Variants in ASS1 observed in about 807,000 individuals in gnomAD.
The protein encoded by ASS1 is argininosuccinate synthase.
Under a neutral mutation model 60.5 loss-of-function variants are expected in ASS1, and 58 were observed. The observed-to-expected ratio is 0.96, with a 90% CI of 0.78 to 1.19. The LOEUF (loss-of-function observed/expected upper bound fraction) is 1.19. ASS1 is among the 50% of genes most tolerant of loss of function. The pLI is 0.00. For synonymous variants in ASS1, 200 were observed against 206.9 expected, an observed-to-expected ratio of 0.97 and a Z score of 0.29; for missense variants, 454 against 547.3, an observed-to-expected ratio of 0.83 and a Z score of 1.70.
chr9:130,475,947 T>C (rs1000101488), intron 8 of ASS1, among the ~76,000 whole-genome samples: 2 of 152,048 alleles, frequency 1.3e-5, no homozygotes, highest in African/African-American at 4.8e-5. Context: ...TTAGTAGAGA[T>C]GGGGTTTCAC....
chr9:130,449,110 C>T (rs1174624671), intron 1 of ASS1, among the ~76,000 whole-genome samples: 3 of 152,056 alleles, frequency 2.0e-5, no homozygotes, highest in Non-Finnish European at 4.4e-5. Flanking sequence ...GCAGGCAGAT[C>T]GCTTAAGTCC....
intron 1 of ASS1, among the ~76,000 whole-genome samples, chr9:130,447,056 G>A (rs559723300): frequency 1.3e-5 from 2 of 152,368 alleles, no homozygotes; most frequent in East Asian, 3.9e-4. Flanking sequence ...ATGTCAGCGA[G>A]GGGTTGCAGG....
At chr9:130,483,269 G>T (rs10901080) in intron 11 of ASS1, among the ~76,000 whole-genome samples, 21,321 of 151,058 alleles carry the variant, frequency 0.14, 1,639 homozygotes, top group African/African-American at 0.17. Context: ...TCCGTATCTC[G>T]GTGTACAAGG....
chr9:130,456,891 A>C (rs1346902190), intron 3 of ASS1, among the ~76,000 whole-genome samples: 2 of 151,738 alleles, frequency 1.3e-5, no homozygotes, highest in African/African-American at 4.8e-5. Context: ...GCACCTCTGC[A>C]CTCCAGTCTG....
intron 4 of ASS1, among the ~76,000 whole-genome samples, chr9:130,460,820 C>G (rs1845573033): frequency 6.6e-6 from 1 of 152,120 alleles, no homozygotes; most frequent in Non-Finnish European, 1.5e-5. Context: ...CAGGGGAGAG[C>G]TTCTCACAGA....
rs1261217600 is a variant in ASS1, at chr9:130,459,272, G to A, written c.363+683G>A. On this transcript the variant is annotated intron_variant, in intron 4 of 14. Coordinates refer to ENST00000352480, the MANE Select transcript of ASS1 (RefSeq NM_054012.4). This position sits in a 1 kb window ranked among gnomAD's most constrained non-coding sequence, Gnocchi z 4.6. ...CTGGTGTCCCTTAGCGTGTGGCTGC[G>A]TCACTCCTGTCCTTCCGTCCTCCAT... Among the ~76,000 whole-genome samples, 11 of 152,166 alleles carry A rather than the reference G, an allele frequency of 7.2e-5. No homozygotes were observed. Among genetic ancestry groups the A allele is most frequent in the South Asian group, 6.2e-4 (3 of 4,814 alleles).
At chr9:130,485,428 G>A (rs1043897783) in intron 11 of ASS1, among the ~76,000 whole-genome samples, 2 of 149,374 alleles carry the variant, frequency 1.3e-5, no homozygotes, top group African/African-American at 2.6e-5. Context: ...GGCACCTTCT[G>A]TAAAGGCCAA....
rs113448335 is a variant in ASS1, at chr9:130,475,960, C to T, written c.598-911C>T. The stretch of plus-strand genomic sequence containing the variant: ...TTTTAGTAGAGATGGGGTTTCACCG[C>T]GTTGCCCAGGCTGGTGTCGAACTCC... On this transcript the variant is annotated intron_variant, in intron 8 of 14. Transcript: ENST00000352480. Among the ~76,000 whole-genome samples the T allele has an allele frequency of 4.3e-4, 65 of 152,170 alleles. 1 individual carries two copies. Among genetic ancestry groups the T allele is most frequent in the African/African-American group, 1.1e-3 (47 of 41,526 alleles).
At chr9:130,449,230 G>A (rs1845269859) in intron 1 of ASS1, among the ~76,000 whole-genome samples, 1 of 151,954 alleles carries the variant, frequency 6.6e-6, no homozygotes, top group Non-Finnish European at 1.5e-5. Flanking sequence ...ACTTGGGGGT[G>A]GTGGCACTGA....
intron 3 of ASS1, among the ~76,000 whole-genome samples, 186 bp from the exon 4 acceptor site, chr9:130,458,215 G>A (rs1845493192): frequency 6.6e-6 from 1 of 152,124 alleles, no homozygotes; most frequent in Non-Finnish European, 1.5e-5. Context: ...GAGTGCAGGA[G>A]GGAGAGTAAC....
rs771403927 is a variant in ASS1 at position 130,454,384 on chromosome 9, G to A, written c.174+11G>A. 11 of 1,612,918 alleles carry A rather than the reference G, an allele frequency of 6.8e-6. No homozygotes were observed. The East Asian group carries it at 2.0e-4, about 29-fold the overall frequency. The stretch of plus-strand genomic sequence containing the variant: ...CTTGGGGCCAAAAAGGTACCAGGCG[G>A]GAGGCAGGGATTTGGGCTGGGAGTG... On this transcript the variant is annotated intron_variant, in intron 3 of 14. Coordinates refer to ENST00000352480, the MANE Select transcript of ASS1 (RefSeq NM_054012.4).
chr9:130,467,289 C>A (rs1845766055), intron 6 of ASS1, among the ~76,000 whole-genome samples: 1 of 152,316 alleles, frequency 6.6e-6, no homozygotes, highest in South Asian at 2.1e-4. Context: ...GCAGACAAAG[C>A]CTTTTATGGC....
chr9:130,465,057 T>TATA (rs201810692), intron 5 of ASS1, among the ~76,000 whole-genome samples: 45 of 76,156 alleles, frequency 5.9e-4, no homozygotes, highest in Admixed American at 9.9e-4. Context: ...TATATATATA[T>TATA]TTTTTTTTTT....
At chr9:130,497,333 C>T (rs542726415) in intron 13 of ASS1, among the ~76,000 whole-genome samples, 26 of 152,278 alleles carry the variant, frequency 1.7e-4, no homozygotes, top group African/African-American at 6.3e-4. Context: ...TGAGTGACAG[C>T]GTCACAGGGA....
intron 8 of ASS1, among the ~76,000 whole-genome samples, chr9:130,471,735 TC>T (rs1307451798): frequency 6.6e-6 from 1 of 152,068 alleles, no homozygotes; most frequent in Non-Finnish European, 1.5e-5. Flanking sequence ...CCCTTCCTCT[TC>T]TAATTGCCTC....
chr9:130,466,656 T>G lies in ASS1; in HGVS notation c.421-69T>G. The G allele has an allele frequency of 2.0e-6, 3 of 1,494,786 alleles. No homozygotes were observed. The South Asian group carries it at 3.4e-5, about 17-fold the overall frequency. The allele number at this position is 1,494,786 out of a possible 1,614,324, so 92.6% of individuals were successfully genotyped here. ...GGCCCCTCCCAGGAGAGGCCAGCTCTGCAGCTTACAGGCCAGGGGAAGCCC... is the reference window on the plus strand; with the variant it reads ...GGCCCCTCCCAGGAGAGGCCAGCTCGGCAGCTTACAGGCCAGGGGAAGCCC... On this transcript the variant is annotated intron_variant, in intron 5 of 14. Transcript: ENST00000352480.
chr9:130,499,368 G>C, intron 13 of ASS1, 137 bp from the exon 14 acceptor site: 1 of 888,828 alleles, frequency 1.1e-6, no homozygotes, highest in Non-Finnish European at 1.8e-6. Flanking sequence ...GAAAGCCGAC[G>C]TGCAGGGAGG....
Position 130,458,513 on chromosome 9 carries a change from C to A in ASS1, c.287C>A (p.Pro96His). 1.2e-6 allele frequency: 2 copies of A among 1,613,094 alleles called. No individual in the cohort carries two copies. Among genetic ancestry groups the A allele is most frequent in the Non-Finnish European group, 1.7e-6 (2 of 1,179,880 alleles). Reference protein sequence around the residue: ...RYLLGTSLARPCIARKQVEIA... With the variant: ...RYLLGTSLARHCIARKQVEIA... ...CTCCTGGGCACCTCTCTTGCCAGGC[C>A]CTGCATCGCCCGCAAACAAGTGGAA... The change falls in exon 4 of 15, where the codon CCC (proline) becomes CAC (histidine). Residue 96 changes from proline (P) to histidine (H), a missense_variant. Transcript: ENST00000352480.
chr9:130,471,795 T>C (rs577747166), intron 8 of ASS1, among the ~76,000 whole-genome samples: 45 of 151,854 alleles, frequency 3.0e-4, no homozygotes, highest in Non-Finnish European at 5.4e-4. Context: ...AGAGAGAGAG[T>C]GTGATTGTGA....
Sources: allele counts gnomAD v4.1 joint callset (sites outside exome capture counted in the v4.1 genomes callset), GRCh38; gene constraint gnomAD v4.1.1; non-coding constraint Gnocchi (gnomAD v3.1); transcripts MANE v1.5; gene names NCBI Gene and HGNC (gene_info 2026-07-23, HGNC 2026-07-21).